The following NF1 variants were observed in gnomAD, a reference collection of about 807,000 sequenced individuals.
The protein encoded by NF1 is neurofibromin 1.
Under a neutral mutation model 325.7 loss-of-function variants are expected in NF1, and 122 were observed. That is an observed-to-expected ratio of 0.37 (90% CI 0.32 to 0.44). NF1 has a LOEUF of 0.44. Among genes scored for constraint, NF1 ranks in the 20% least tolerant of loss-of-function variants. The pLI, the probability that NF1 is intolerant of heterozygous loss-of-function variation, is 1.00. For missense variants in NF1, 2,140 were observed against 3,415.4 expected, an observed-to-expected ratio of 0.63 and a Z score of 9.31; for synonymous variants, 1,091 against 1,186.0, an observed-to-expected ratio of 0.92 and a Z score of 1.65.
At chr17:31,265,430 C>T (rs1414972634) in intron 36 of NF1, 91 bp downstream of exon 36, 3 of 908,250 alleles carry the variant, frequency 3.3e-6, no homozygotes, top group Non-Finnish European at 5.4e-6. Flanking sequence ...TCCCAGTTGA[C>T]TTAACAGGAA....
chr17:31,265,106 A>C, intron 35 of NF1, 123 bp from the exon 36 acceptor site: 2 of 711,348 alleles, frequency 2.8e-6, no homozygotes, highest in Non-Finnish European at 4.7e-6. Flanking sequence ...ACCCTTTAGA[A>C]TGCCTGTTGC....
chr17:31,115,860 T>C (rs4541129), intron 1 of NF1, among the ~76,000 whole-genome samples: 81,208 of 152,086 alleles, frequency 0.53, 25,782 homozygotes, highest in Middle Eastern at 0.76. Context: ...GGACAAATTC[T>C]TGTCCCCTCC....
intron 15 of NF1, 98 bp downstream of exon 15, chr17:31,222,027 T>G (rs1265178831): frequency 7.5e-7 from 1 of 1,325,292 alleles, no homozygotes; most frequent in Non-Finnish European, 9.7e-7. Context: ...ATTGTAAAAC[T>G]TACACTTCCA....
Position 31,357,058 on chromosome 17 carries a change from C to T in NF1, c.7837C>T (p.Pro2613Ser), listed in dbSNP as rs138839077. 1.9e-6 allele frequency: 3 copies of T among 1,613,662 alleles called. No homozygotes were observed. In the African/African-American group the frequency reaches 4.0e-5, roughly 22 times the overall value. Residue 2613 changes from proline (P) to serine (S), a missense_variant, in exon 53 of 58, where the codon CCG becomes TCG. Pro to Ser is a moderately conservative substitution (Grantham distance 74). Coordinates refer to ENST00000358273, the MANE Select transcript of NF1 (RefSeq NM_001042492.3). The part of the protein sequence containing the change: ...VLLDEEVLTD[P>S]KIQALLLTVL... ...CTTGGATGAAGAAGTACTTACTGAT[C>T]CGAAGATCCAGGCGCTGCTTCTTAC...
intron 36 of NF1, among the ~76,000 whole-genome samples, chr17:31,279,005 A>G (rs2068067703): frequency 6.6e-6 from 1 of 152,200 alleles, no homozygotes; most frequent in Non-Finnish European, 1.5e-5. Context: ...TTGGAAGGCC[A>G]AGGCAAGAGG....
chr17:31,350,608 A>G (rs2070115950), intron 50 of NF1, among the ~76,000 whole-genome samples: 1 of 152,168 alleles, frequency 6.6e-6, no homozygotes, highest in African/African-American at 2.4e-5. Context: ...TTGCAGGGGA[A>G]GGGCCTGGGG....
chr17:31,133,098 A>G (rs1915510796), intron 1 of NF1: 1 of 152,220 alleles, frequency 6.6e-6, no homozygotes, highest in Non-Finnish European at 1.5e-5. Context: ...AACTCCCTTC[A>G]TCTCAAAAAA....
intron 3 of NF1, among the ~76,000 whole-genome samples, chr17:31,160,365 G>C (rs183443299): frequency 3.3e-4 from 51 of 152,322 alleles, no homozygotes; most frequent in Admixed American, 3.3e-3. Context: ...TGGGATTACA[G>C]ATGTGAACCA....
At chr17:31,318,740 G>C (rs777281841) in intron 36 of NF1, 2 of 1,614,042 alleles carry the variant, frequency 1.2e-6, no homozygotes, top group Admixed American at 1.7e-5. Context: ...TAAAGCTCCT[G>C]TTCAGATTTA....
intron 33 of NF1, among the ~76,000 whole-genome samples, chr17:31,259,696 G>A (rs1365896912): frequency 6.6e-6 from 1 of 152,070 alleles, no homozygotes; most frequent in African/African-American, 2.4e-5. Context: ...TGTAAAGTAG[G>A]GATAAACTCT....
intron 8 of NF1, among the ~76,000 whole-genome samples, chr17:31,184,065 A>T (rs1009551040): frequency 2.0e-5 from 3 of 152,122 alleles, no homozygotes; most frequent in African/African-American, 7.2e-5. Flanking sequence ...AGTATTAAGG[A>T]TGGAGTTTCT....
At position 31,235,717 on chromosome 17, in the gene NF1, A is replaced by G. The variant is rs1597722580; in HGVS notation, c.3815A>G (p.Gln1272Arg). 6.2e-7 allele frequency: 1 copy of G among 1,614,142 alleles called. No homozygotes were observed. Among genetic ancestry groups the G allele is most frequent in the Non-Finnish European group, 8.5e-7 (1 of 1,180,006 alleles). The change falls in exon 28 of 58, where the codon CAG (glutamine) becomes CGG (arginine). Residue 1272 changes from glutamine to arginine, a missense_variant. Physicochemically the swap from Gln to Arg is conservative, Grantham distance 43 (BLOSUM62 1). Coordinates refer to ENST00000358273, the MANE Select transcript of NF1 (RefSeq NM_001042492.3). ...SKEVELADSM[Q>R]TLFRGNSLAS... ...GAAGTAGAATTGGCAGACTCCATGC[A>G]GACTCTCTTCCGAGGCAACAGCTTG... is the stretch of plus-strand genomic sequence containing the variant.
At chr17:31,326,612 A>T (rs1319346771) in intron 37 of NF1, among the ~76,000 whole-genome samples, 1 of 152,106 alleles carries the variant, frequency 6.6e-6, no homozygotes, top group Non-Finnish European at 1.5e-5. Flanking sequence ...GCGCCACTGC[A>T]CTCCAGCCTG....
At chr17:31,278,002 G>A (rs1663513892) in intron 36 of NF1, among the ~76,000 whole-genome samples, 1 of 152,144 alleles carries the variant, frequency 6.6e-6, no homozygotes, top group Non-Finnish European at 1.5e-5. Context: ...TGGGATGTGA[G>A]CTATAGTCCC....
intron 3 of NF1, among the ~76,000 whole-genome samples, 188 bp from the exon 4 acceptor site, chr17:31,162,998 C>T (rs1280896158): frequency 6.6e-6 from 1 of 151,976 alleles, no homozygotes; most frequent in Admixed American, 6.6e-5. Context: ...TGGAACCATC[C>T]TCTTTATTAA....
chr17:31,229,257 T>C lies in NF1; in HGVS notation c.2642T>C (p.Met881Thr), dbSNP rs777868654. The C allele has an allele frequency of 6.2e-7, 1 of 1,613,144 alleles. No homozygotes were observed. Among genetic ancestry groups the C allele is most frequent in the South Asian group, 1.1e-5 (1 of 91,040 alleles). Residue 881 changes from methionine (M) to threonine (T), a missense_variant, in exon 21 of 58, where the codon ATG becomes ACG. Around this residue, in one of 10 missense-constraint regions of NF1, gnomAD observed 380 missense variants for 639.3 expected, o/e 0.59. Transcript: ENST00000358273. ...CGTAAGGGTTCTATGATTTCAGTGA[T>C]GTCTTCAGAGGGAAACGCAGATACA... is the stretch of plus-strand genomic sequence containing the variant. ...SERKGSMISV[M>T]SSEGNADTPV...
intron 13 of NF1, among the ~76,000 whole-genome samples, chr17:31,218,000 T>C (rs2066852160): frequency 1.3e-5 from 2 of 152,020 alleles, no homozygotes; most frequent in African/African-American, 4.8e-5. Context: ...TTTCTTTGCT[T>C]AGTACACTAT....
intron 1 of NF1, 91 bp from the exon 2 acceptor site, chr17:31,155,892 A>G: frequency 1.4e-6 from 2 of 1,481,302 alleles, no homozygotes; most frequent in East Asian, 4.8e-5. Flanking sequence ...CAGTTTTCCT[A>G]AAACGTCATG....
At chr17:31,151,992 C>T (rs1326883604) in intron 1 of NF1, among the ~76,000 whole-genome samples, 2 of 152,136 alleles carry the variant, frequency 1.3e-5, no homozygotes, top group African/African-American at 4.8e-5. Context: ...ATTAACTCGT[C>T]ATTTACATTA....
Sources: gnomAD v4.1 joint callset for allele counts (sites outside exome capture counted in the v4.1 genomes callset) on GRCh38, gnomAD v4.1.1 for gene constraint, gnomAD v4.1.1 regional missense constraint, MANE v1.5 for transcripts, NCBI Gene and HGNC (gene_info 2026-07-23, HGNC 2026-07-21) for gene names.